The following TACR1 variants were observed in gnomAD, a reference collection of about 807,000 sequenced individuals.
TACR1 encodes substance-P receptor.
Under a neutral mutation model 35.8 loss-of-function variants are expected in TACR1, and 25 were observed. The ratio of observed to expected loss-of-function variants is 0.70; its 90% CI spans 0.51 to 0.98. TACR1 has a LOEUF of 0.98. Among genes scored for constraint, TACR1 ranks in the 50% least tolerant of loss-of-function variants. TACR1 has a pLI of 0.00. For missense variants in TACR1, 478 were observed against 522.9 expected (o/e 0.91, Z 0.84); for synonymous variants, 195 against 206.7 (o/e 0.94, Z 0.48).
chr2:75,064,808 T>G (rs1044649674), intron 2 of TACR1, among the ~76,000 whole-genome samples: 1 of 152,200 alleles, frequency 6.6e-6, no homozygotes, highest in Non-Finnish European at 1.5e-5. Context: ...AGTGGGGCTT[T>G]GAGGAAATAA....
At chr2:75,070,419 C>T (rs1474392349) in intron 2 of TACR1, among the ~76,000 whole-genome samples, 2 of 152,062 alleles carry the variant, frequency 1.3e-5, no homozygotes, top group Non-Finnish European at 2.9e-5. Context: ...TGGTACAGAG[C>T]CTTGTTAACT....
chr2:75,180,633 G>T (rs1221151686), intron 1 of TACR1, among the ~76,000 whole-genome samples: 5 of 152,204 alleles, frequency 3.3e-5, no homozygotes, highest in Non-Finnish European at 5.9e-5. Context: ...GTGGAAGCAT[G>T]AATTGCATGT....
rs1376217906 is a variant in TACR1 at position 75,186,389 on chromosome 2, AAAAG to A, written c.389+12153_389+12156del. ...TCTGTCTCAAAAAAAAAAAAAAAAA[AAAAG>A]AAAGAAAGTCTTGGCATGAAATAAT... On this transcript the variant is annotated intron_variant, in intron 1 of 4. Coordinates refer to ENST00000305249, the MANE Select transcript of TACR1 (RefSeq NM_001058.4). 4.6e-5 allele frequency among the ~76,000 whole-genome samples: 7 copies of A among 151,276 alleles called. No homozygotes were observed. In the East Asian group the frequency reaches 7.7e-4, roughly 17 times the overall value.
At chr2:75,158,086 T>C (rs934964822) in intron 1 of TACR1, among the ~76,000 whole-genome samples, 34 of 152,220 alleles carry the variant, frequency 2.2e-4, no homozygotes, top group African/African-American at 8.0e-4. Context: ...TCAAAGATCA[T>C]AGAGATGGTT....
At chr2:75,181,904 T>C (rs1029786963) in intron 1 of TACR1, among the ~76,000 whole-genome samples, 5 of 152,228 alleles carry the variant, frequency 3.3e-5, no homozygotes, top group African/African-American at 4.8e-5. Context: ...AAGACTATAT[T>C]TGGTTACAAA....
chr2:75,110,955 ATTAAGT>A (rs1299345226), intron 2 of TACR1, among the ~76,000 whole-genome samples: 4 of 151,946 alleles, frequency 2.6e-5, no homozygotes, highest in Admixed American at 6.6e-5. Context: ...TAACATTTTC[ATTAAGT>A]TTAACATGGG....
intron 1 of TACR1, among the ~76,000 whole-genome samples, chr2:75,153,867 C>T (rs1374661672): frequency 1.3e-5 from 2 of 152,026 alleles, no homozygotes; most frequent in Non-Finnish European, 2.9e-5. Context: ...CATCAGTGTA[C>T]TCTAAGTATT....
Position 75,198,536 on chromosome 2 carries a change from CT to C in TACR1, c.389+9del, listed in dbSNP as rs1195781933. The C allele has an allele frequency of 3.7e-6, 6 of 1,610,582 alleles. No individual in the cohort carries two copies. Among genetic ancestry groups the C allele is most frequent in the Non-Finnish European group, 5.1e-6 (6 of 1,177,124 alleles). ...GCACTTTCTCGCCTTTTCACAAAGG[CT>C]AATCTCACCTATCAAAGGCCACAGC... On this transcript the variant is annotated intron_variant, in intron 1 of 4. Transcript: ENST00000305249.
chr2:75,080,469 T>C (rs1206012706), intron 2 of TACR1, among the ~76,000 whole-genome samples: 1 of 152,230 alleles, frequency 6.6e-6, no homozygotes, highest in African/African-American at 2.4e-5. Context: ...GGGTCAGTTA[T>C]AGTTAGATTT....
intron 2 of TACR1, among the ~76,000 whole-genome samples, chr2:75,117,212 T>C (rs535386656): frequency 6.6e-6 from 1 of 152,274 alleles, no homozygotes; most frequent in Non-Finnish European, 1.5e-5. Flanking sequence ...TTGGATTTCC[T>C]GTCTTTAATA....
At chr2:75,068,540 A>T (rs1672812866) in intron 2 of TACR1, among the ~76,000 whole-genome samples, 1 of 152,184 alleles carries the variant, frequency 6.6e-6, no homozygotes, top group Admixed American at 6.5e-5. Flanking sequence ...AACTACCACT[A>T]CTACCACCAT....
intron 1 of TACR1, among the ~76,000 whole-genome samples, chr2:75,149,284 A>C (rs1438339133): frequency 6.6e-6 from 1 of 151,966 alleles, no homozygotes; most frequent in African/African-American, 2.4e-5. Context: ...GAAGAATGTC[A>C]ATGGTAGTTT....
At chr2:75,122,856 T>C (rs1390260878) in intron 1 of TACR1, among the ~76,000 whole-genome samples, 2 of 152,208 alleles carry the variant, frequency 1.3e-5, no homozygotes, top group Non-Finnish European at 2.9e-5. Context: ...CAGGACACCA[T>C]AGACTAGATG....
chr2:75,197,966 A>G (rs1676033307), intron 1 of TACR1, among the ~76,000 whole-genome samples: 1 of 152,170 alleles, frequency 6.6e-6, no homozygotes, highest in Non-Finnish European at 1.5e-5. Context: ...GCTCTTTCAC[A>G]TCCAAAACAA....
At chr2:75,198,124 A>G (rs1340349875) in intron 1 of TACR1, among the ~76,000 whole-genome samples, 1 of 152,230 alleles carries the variant, frequency 6.6e-6, no homozygotes, top group African/African-American at 2.4e-5. Context: ...GCTGTCTGAC[A>G]GAAAAACAGG....
chr2:75,115,579 T>C (rs1381322677), intron 2 of TACR1, among the ~76,000 whole-genome samples: 1 of 152,026 alleles, frequency 6.6e-6, no homozygotes, highest in African/African-American at 2.4e-5. Context: ...GGTTAAATAA[T>C]AGCATACATT....
intron 1 of TACR1, among the ~76,000 whole-genome samples, chr2:75,132,314 C>T (rs1674193728): frequency 6.6e-6 from 1 of 152,090 alleles, no homozygotes; most frequent in African/African-American, 2.4e-5. Flanking sequence ...ACCTTCTGTA[C>T]CTCTGTGCTG....
intron 1 of TACR1, among the ~76,000 whole-genome samples, chr2:75,180,977 A>G (rs528287360): frequency 6.6e-6 from 1 of 152,258 alleles, no homozygotes; most frequent in Admixed American, 6.5e-5. Context: ...TCCTGATTTA[A>G]CCATCTGTCT....
In TACR1 at chr2:75,198,899, G is replaced by A. The variant is rs1429847047; in HGVS notation, c.36C>T (p.Ser12=). The A allele has an allele frequency of 6.2e-7, 1 of 1,613,838 alleles. No homozygotes were observed. Among genetic ancestry groups the A allele is most frequent in the Non-Finnish European group, 8.5e-7 (1 of 1,180,036 alleles). The stretch of plus-strand genomic sequence containing the variant: ...CCGAGGTGTTAGTGGAGATGTTTGG[G>A]GAGAGGTCTGAGTCCACCGGGAGGA... ...DNVLPVDSDL[S]PNISTNTSEP... is the part of the protein sequence containing the mutation. The change falls in exon 1 of 5, where the codon TCC becomes TCT. Residue 12 remains serine (S), a synonymous_variant. Coordinates refer to ENST00000305249, the MANE Select transcript of TACR1 (RefSeq NM_001058.4).
Sources: allele counts gnomAD v4.1 joint callset (sites outside exome capture counted in the v4.1 genomes callset), GRCh38; gene constraint gnomAD v4.1.1; transcripts MANE v1.5; gene names NCBI Gene and HGNC (gene_info 2026-07-23, HGNC 2026-07-21).